The following DAB1 variants were observed in gnomAD, a reference collection of about 807,000 sequenced individuals.
The protein encoded by DAB1 is disabled homolog 1.
Under a neutral mutation model 64.6 loss-of-function variants are expected in DAB1, and 15 were observed. The ratio of observed to expected loss-of-function variants is 0.23; its 90% confidence interval spans 0.16 to 0.36. DAB1 has a LOEUF of 0.36. Among genes scored for constraint, DAB1 ranks in the 10% least tolerant of loss-of-function variants. The pLI, the probability that DAB1 is intolerant of heterozygous loss-of-function variation, is 1.00. For synonymous variants in DAB1, 235 were observed against 251.9 expected (o/e 0.93, Z 0.64); for missense variants, 596 against 706.7 (o/e 0.84, Z 1.78).
chr1:57,633,064 A>G (rs977251265), intron 7 of DAB1, among the ~76,000 whole-genome samples: 2 of 152,176 alleles, frequency 1.3e-5, no homozygotes, highest in African/African-American at 4.8e-5. Context: ...ACAGTTAAGA[A>G]TATTGTTCTC....
intron 9 of DAB1, among the ~76,000 whole-genome samples, chr1:57,052,688 A>G (rs1239335488): frequency 6.6e-6 from 1 of 152,176 alleles, no homozygotes; most frequent in Non-Finnish European, 1.5e-5. Flanking sequence ...TATATAATGA[A>G]CATGGTGACA....
intron 3 of DAB1, among the ~76,000 whole-genome samples, chr1:58,348,302 A>G (rs1363026600): frequency 2.0e-5 from 3 of 152,214 alleles, no homozygotes; most frequent in African/African-American, 7.2e-5. Flanking sequence ...ACTGAACTGC[A>G]TCCAAACTCA....
At chr1:58,520,062 A>G (rs1646238141) in intron 2 of DAB1, among the ~76,000 whole-genome samples, 1 of 152,186 alleles carries the variant, frequency 6.6e-6, no homozygotes, top group African/African-American at 2.4e-5. Context: ...ACATGGACAC[A>G]AAGATGGGAA....
intron 3 of DAB1, among the ~76,000 whole-genome samples, chr1:58,373,848 C>T (rs1044191325): frequency 8.7e-5 from 13 of 150,128 alleles, no homozygotes; most frequent in African/African-American, 3.2e-4. Flanking sequence ...CTGTTGTTTC[C>T]TGACTTTTTA....
At chr1:57,520,671 T>G (rs1230712270) in intron 7 of DAB1, among the ~76,000 whole-genome samples, 3 of 152,160 alleles carry the variant, frequency 2.0e-5, no homozygotes, top group Admixed American at 1.3e-4. Context: ...GTTTTTCTTT[T>G]TTTGTATATA....
At chr1:57,105,615 T>C (rs1160866455) in intron 4 of DAB1, among the ~76,000 whole-genome samples, 1 of 152,192 alleles carries the variant, frequency 6.6e-6, no homozygotes, top group South Asian at 2.1e-4. Context: ...CCCACTTTTT[T>C]CCCTTCTTCT....
chr1:58,228,191 G>A (rs1425015429), intron 4 of DAB1, among the ~76,000 whole-genome samples: 2 of 152,200 alleles, frequency 1.3e-5, no homozygotes, highest in Non-Finnish European at 2.9e-5. Flanking sequence ...CCTGGAGATA[G>A]TTCCAAGTAA....
At chr1:57,544,031 T>C (rs1462551097) in intron 7 of DAB1, among the ~76,000 whole-genome samples, 1 of 152,060 alleles carries the variant, frequency 6.6e-6, no homozygotes, top group East Asian at 1.9e-4. Context: ...TCATCTGAGG[T>C]AGAAGCCAGA....
At chr1:57,087,591 C>A (rs1384887857) in intron 4 of DAB1, among the ~76,000 whole-genome samples, 2 of 152,120 alleles carry the variant, frequency 1.3e-5, no homozygotes, top group East Asian at 3.9e-4. Flanking sequence ...CCTCTCTCTG[C>A]AATCGGAAGG....
chr1:58,089,887 G>A (rs1054254034), intron 5 of DAB1, among the ~76,000 whole-genome samples: 5 of 152,266 alleles, frequency 3.3e-5, no homozygotes, highest in Middle Eastern at 3.4e-3. Context: ...GACAAGAACC[G>A]TTTATTTAGC....
intron 2 of DAB1, among the ~76,000 whole-genome samples, chr1:57,257,348 G>A (rs1376637932): frequency 6.6e-6 from 1 of 152,188 alleles, no homozygotes; most frequent in Non-Finnish European, 1.5e-5. Context: ...GTTAGGACCT[G>A]TGACATTCTG....
intron 1 of DAB1, among the ~76,000 whole-genome samples, chr1:57,844,222 C>T (rs1653178038): frequency 6.6e-6 from 1 of 152,224 alleles, no homozygotes; most frequent in South Asian, 2.1e-4. Context: ...ATTTCTAACA[C>T]ACTGAAATAA....
chr1:57,320,272 C>T (rs1012979575), intron 1 of DAB1, among the ~76,000 whole-genome samples: 2 of 152,158 alleles, frequency 1.3e-5, no homozygotes, highest in Admixed American at 6.5e-5. Context: ...CCATGCAGAA[C>T]TGTGAGTCAA....
chr1:57,588,274 CCCCCCTACCACCACCAAAGGCAT>C (rs1341569769), intron 7 of DAB1, among the ~76,000 whole-genome samples: 8 of 152,176 alleles, frequency 5.3e-5, no homozygotes, highest in Middle Eastern at 3.2e-3. Context: ...TTAGACAGCA[CCCCCCTACCACCACCAAAGGCAT>C]GGTGTTTTCT....
At chr1:58,406,265 G>A (rs369270614) in intron 3 of DAB1, among the ~76,000 whole-genome samples, 3 of 152,194 alleles carry the variant, frequency 2.0e-5, no homozygotes, top group African/African-American at 7.2e-5. Flanking sequence ...GACCGTAGGA[G>A]ACACAGAATT....
At chr1:57,400,552 C>CTT (rs60734651) in intron 1 of DAB1, among the ~76,000 whole-genome samples, 3 of 137,548 alleles carry the variant, frequency 2.2e-5, no homozygotes, top group African/African-American at 2.6e-5. Flanking sequence ...CAGTATCAGT[C>CTT]TTTTTTTTTT....
chr1:58,478,192 G>A (rs2100342339), intron 3 of DAB1, among the ~76,000 whole-genome samples: 1 of 152,180 alleles, frequency 6.6e-6, no homozygotes, highest in East Asian at 1.9e-4. Flanking sequence ...GTTTTATGGG[G>A]CAGTTTTCCC....
chr1:57,329,920 C>T (rs959676377), intron 1 of DAB1, among the ~76,000 whole-genome samples: 4 of 152,188 alleles, frequency 2.6e-5, no homozygotes, highest in African/African-American at 4.8e-5. Context: ...ATTAACCCAT[C>T]AAGAAATATT....
chr1:58,232,461 T>C (rs1659821800), intron 4 of DAB1, among the ~76,000 whole-genome samples: 1 of 148,394 alleles, frequency 6.7e-6, no homozygotes. Flanking sequence ...CAGGATGGGC[T>C]GACATCTGAG....
Sources: allele counts gnomAD v4.1 joint callset (sites outside exome capture counted in the v4.1 genomes callset), GRCh38; gene constraint gnomAD v4.1.1; transcripts MANE v1.5; gene names NCBI Gene and HGNC (gene_info 2026-07-23, HGNC 2026-07-21).